Variants in DCPS observed in about 807,000 individuals in gnomAD.
DCPS encodes decapping enzyme, scavenger, also known as m7GpppX diphosphatase.
Under a neutral mutation model 34.7 loss-of-function variants are expected in DCPS, and 27 were observed. That is an observed-to-expected ratio of 0.78 (90% CI 0.57 to 1.07). The LOEUF is 1.07. DCPS is among the 50% of genes least tolerant of loss of function. The pLI, the probability that DCPS is intolerant of heterozygous loss-of-function variation, is 0.00. For synonymous variants in DCPS, 185 were observed against 185.7 expected (o/e 1.00, Z 0.03); for missense variants, 464 against 436.9 (o/e 1.06, Z -0.55).
rs1951955862 is a variant in DCPS, at chr11:126,348,287, A to G, written c.*2674A>G. Among the ~76,000 whole-genome samples, 1 of 151,924 alleles carries G rather than the reference A, an allele frequency of 6.6e-6. No individual in the cohort carries two copies. Among genetic ancestry groups the G allele is most frequent in the East Asian group, 1.9e-4 (1 of 5,178 alleles). On this transcript the variant is annotated 3_prime_UTR_variant, in exon 6 of 6. Transcript: ENST00000263579. This position sits in a 1 kb window ranked among gnomAD's most constrained non-coding sequence, Gnocchi z 5.3. Reference sequence around the variant, plus strand: ...TCCTTCTGCCCACTCTGTGGGGAGGAGCCTCTCTGGGATAGCGTCCCCTCA... The same window carrying G: ...TCCTTCTGCCCACTCTGTGGGGAGGGGCCTCTCTGGGATAGCGTCCCCTCA...
In DCPS at chr11:126,331,382, C is replaced by A. The variant is rs181281037; in HGVS notation, c.377-23C>A. The A allele has an allele frequency of 6.2e-7, 1 of 1,612,624 alleles. No individual in the cohort carries two copies. Among genetic ancestry groups the A allele is most frequent in the Non-Finnish European group, 8.5e-7 (1 of 1,179,204 alleles). On this transcript the variant is annotated intron_variant, in intron 2 of 5. Coordinates refer to ENST00000263579, the MANE Select transcript of DCPS (RefSeq NM_014026.6). This position sits in a 1 kb window ranked among gnomAD's most constrained non-coding sequence, Gnocchi z 7.2. ...GAGAGTGGGCATTGCTTCCCTGTCA[C>A]GGGCTGTGCTGTATCATTGCAGATG...
In DCPS at chr11:126,343,354, A is replaced by T. The variant is rs1247282822; in HGVS notation, c.684A>T (p.Arg228Ser). ...CCATCTGCCATCGCCGGGGCATCAG[A>T]TCCCTACGCGACCTTACTCCGGAGC... is the stretch of plus-strand genomic sequence containing the variant. ...LIAICHRRGIRSLRDLTPEHL... is the reference protein window; with the variant it reads ...LIAICHRRGISSLRDLTPEHL... The change falls in exon 5 of 6, where the codon AGA becomes AGT. Residue 228 changes from arginine to serine, a missense_variant. Physicochemically the swap from Arg to Ser is moderately radical, Grantham distance 110. Transcript: ENST00000263579. 6 of 1,613,746 alleles carry T rather than the reference A, an allele frequency of 3.7e-6. No individual in the cohort carries two copies. Among genetic ancestry groups the T allele is most frequent in the Non-Finnish European group, 5.1e-6 (6 of 1,179,962 alleles).
At position 126,346,366 on chromosome 11, in the gene DCPS, G is replaced by A. The variant is rs928150266; in HGVS notation, c.*753G>A. 6.6e-6 allele frequency among the ~76,000 whole-genome samples: 1 copy of A among 152,204 alleles called. No homozygotes were observed. Among genetic ancestry groups the A allele is most frequent in the Non-Finnish European group, 1.5e-5 (1 of 68,038 alleles). On this transcript the variant is annotated 3_prime_UTR_variant, in exon 6 of 6. Coordinates refer to ENST00000263579, the MANE Select transcript of DCPS (RefSeq NM_014026.6). The surrounding 1 kb of genome is among the most constrained non-coding windows in gnomAD (Gnocchi z 4.1). Reference sequence around the variant, plus strand: ...AGTGCAAAACAGTGAATCAGCAAGGGCAAATGATATGGTTGCAGTTGAATA... The same window carrying A: ...AGTGCAAAACAGTGAATCAGCAAGGACAAATGATATGGTTGCAGTTGAATA...
chr11:126,307,902 G>A (rs993110009), intron 2 of DCPS, among the ~76,000 whole-genome samples: 1 of 152,152 alleles, frequency 6.6e-6, no homozygotes, highest in African/African-American at 2.4e-5. Flanking sequence ...AGTAGGTGGC[G>A]GGAAAGCTAA....
Position 126,304,261 on chromosome 11 carries a change from A to G in DCPS, c.181A>G (p.Ile61Val). Residue 61 changes from isoleucine to valine, a missense_variant, in exon 1 of 6, where the codon ATC becomes GTC. Coordinates refer to ENST00000263579, the MANE Select transcript of DCPS (RefSeq NM_014026.6). Reference protein sequence around the residue: ...KVLRESARDKIIFLHGKVNEA... With the variant: ...KVLRESARDKVIFLHGKVNEA... ...GCTGAGGGAGTCTGCGCGGGACAAA[A>G]TCATTTTCCTACACGGGAAGGTACC... The G allele has an allele frequency of 6.2e-7, 1 of 1,614,148 alleles. No homozygotes were observed. Among genetic ancestry groups the G allele is most frequent in the South Asian group, 1.1e-5 (1 of 91,076 alleles).
rs1951751776 is a variant in DCPS at position 126,327,785 on chromosome 11, A to G, written c.377-3620A>G. Among the ~76,000 whole-genome samples the G allele has an allele frequency of 1.3e-5, 2 of 152,238 alleles. No homozygotes were observed. Among genetic ancestry groups the G allele is most frequent in the African/African-American group, 4.8e-5 (2 of 41,460 alleles). On this transcript the variant is annotated intron_variant, in intron 2 of 5. Coordinates refer to ENST00000263579, the MANE Select transcript of DCPS (RefSeq NM_014026.6). The surrounding 1 kb of genome is among the most constrained non-coding windows in gnomAD (Gnocchi z 4.1). ...GCCAGATTCATTGATTCATTTGTTC[A>G]CTAAGTATTTACTGAGTGCTTACTG...
At chr11:126,316,927 A>C (rs1951664010) in intron 2 of DCPS, among the ~76,000 whole-genome samples, 1 of 137,300 alleles carries the variant, frequency 7.3e-6, no homozygotes, top group Non-Finnish European at 1.5e-5. Flanking sequence ...AAGTGCTGGG[A>C]TTACAGGTGT....
At position 126,338,462 on chromosome 11, in the gene DCPS, T is replaced by C; in HGVS notation, c.636+63T>C. 1.4e-6 allele frequency: 2 copies of C among 1,450,942 alleles called. No homozygotes were observed. Among genetic ancestry groups the C allele is most frequent in the Non-Finnish European group, 1.9e-6 (2 of 1,032,184 alleles). 89.9% of individuals were successfully genotyped at this position (1,450,942 alleles called of 1,614,324 possible). On this transcript the variant is annotated intron_variant, in intron 4 of 5. Coordinates refer to ENST00000263579, the MANE Select transcript of DCPS (RefSeq NM_014026.6). This position sits in a 1 kb window ranked among gnomAD's most constrained non-coding sequence, Gnocchi z 5.4. The stretch of plus-strand genomic sequence containing the variant: ...ACCCTGCTGTAAGTGCTGGTCCTTC[T>C]GACTGCCCTCTTTCTCACGCTGGCC...
At position 126,338,764 on chromosome 11, in the gene DCPS, G is replaced by A. The variant is rs1951854818; in HGVS notation, c.636+365G>A. Among the ~76,000 whole-genome samples, 1 of 152,136 alleles carries A rather than the reference G, an allele frequency of 6.6e-6. No individual in the cohort carries two copies. Among genetic ancestry groups the A allele is most frequent in the African/African-American group, 2.4e-5 (1 of 41,416 alleles). On this transcript the variant is annotated intron_variant, in intron 4 of 5. Transcript: ENST00000263579. This position sits in a 1 kb window ranked among gnomAD's most constrained non-coding sequence, Gnocchi z 5.4. Reference sequence around the variant, plus strand: ...TGTTTCCATTTTCTCCATTCCCCTTGACACCAGCAGATCCAGGCAGGCCCG... The same window carrying A: ...TGTTTCCATTTTCTCCATTCCCCTTAACACCAGCAGATCCAGGCAGGCCCG...
rs1951831898 is a variant in DCPS at position 126,336,303 on chromosome 11, C to T, written c.523-1983C>T. 1 of 152,678 alleles carries T rather than the reference C, an allele frequency of 6.5e-6. No homozygotes were observed. Among genetic ancestry groups the T allele is most frequent in the East Asian group, 1.9e-4 (1 of 5,180 alleles). The allele number at this position is 152,678 out of a possible 1,614,324, so 9.5% of individuals were successfully genotyped here. Reference sequence around the variant, plus strand: ...TCCTTTGCTCTCACCGCCTTTCCCTCTTTTCCTGTCCCCAGTCAGTTTTGT... The same window carrying T: ...TCCTTTGCTCTCACCGCCTTTCCCTTTTTTCCTGTCCCCAGTCAGTTTTGT... On this transcript the variant is annotated intron_variant, in intron 3 of 5. Transcript: ENST00000263579. The surrounding 1 kb of genome is among the most constrained non-coding windows in gnomAD (Gnocchi z 6.3).
At position 126,345,437 on chromosome 11, in the gene DCPS, T is replaced by C; in HGVS notation, c.838T>C (p.Phe280Leu). 3 of 1,614,186 alleles carry C rather than the reference T, an allele frequency of 1.9e-6. No individual in the cohort carries two copies. The highest frequency in any genetic ancestry group is 2.5e-6 in the Non-Finnish European group (3 of 1,180,008). ...LPSYYHLHVH[F>L]TALGFEAPGS... ...CTCCTACTACCACCTGCATGTGCACTTCACCGCCCTGGGCTTCGAGGCCCC... is the reference window on the plus strand; with the variant it reads ...CTCCTACTACCACCTGCATGTGCACCTCACCGCCCTGGGCTTCGAGGCCCC... The change falls in exon 6 of 6, where the codon TTC (phenylalanine) becomes CTC (leucine). Residue 280 changes from phenylalanine (F) to leucine (L), a missense_variant. Transcript: ENST00000263579. The surrounding 1 kb of genome is among the most constrained non-coding windows in gnomAD (Gnocchi z 7.4).
Position 126,335,746 on chromosome 11 carries a change from C to T in DCPS, c.523-2540C>T, listed in dbSNP as rs997689146. On this transcript the variant is annotated intron_variant, in intron 3 of 5. Transcript: ENST00000263579. This position sits in a 1 kb window ranked among gnomAD's most constrained non-coding sequence, Gnocchi z 4.8. ...TTTGAGACCAGCCTGGCCAACATGA[C>T]GCAACCCATCTCTACTAAAAATACA... Among the ~76,000 whole-genome samples, 2 of 152,130 alleles carry T rather than the reference C, an allele frequency of 1.3e-5. No individual in the cohort carries two copies. Among genetic ancestry groups the T allele is most frequent in the African/African-American group, 2.4e-5 (1 of 41,426 alleles).
In DCPS at chr11:126,325,049, G is replaced by C. The variant is rs540547151; in HGVS notation, c.377-6356G>C. On this transcript the variant is annotated intron_variant, in intron 2 of 5. Coordinates refer to ENST00000263579, the MANE Select transcript of DCPS (RefSeq NM_014026.6). This position sits in a 1 kb window ranked among gnomAD's most constrained non-coding sequence, Gnocchi z 4.3. Reference sequence around the variant, plus strand: ...AATACAAAAATTAGCGGGGCATGGTGGTGGGCACCTGTAATCCCAGCTACT... The same window carrying C: ...AATACAAAAATTAGCGGGGCATGGTCGTGGGCACCTGTAATCCCAGCTACT... 6.6e-6 allele frequency among the ~76,000 whole-genome samples: 1 copy of C among 152,090 alleles called. No individual in the cohort carries two copies. The highest frequency in any genetic ancestry group is 1.5e-5 in the Non-Finnish European group (1 of 68,016).
intron 2 of DCPS, among the ~76,000 whole-genome samples, chr11:126,326,083 A>C (rs974827670): frequency 6.6e-6 from 1 of 152,202 alleles, no homozygotes; most frequent in African/African-American, 2.4e-5. Flanking sequence ...GCACCACTGC[A>C]CTCCAGCCTG....
chr11:126,325,694 A>T lies in DCPS; in HGVS notation c.377-5711A>T, dbSNP rs969061212. On this transcript the variant is annotated intron_variant, in intron 2 of 5. Coordinates refer to ENST00000263579, the MANE Select transcript of DCPS (RefSeq NM_014026.6). The surrounding 1 kb of genome is among the most constrained non-coding windows in gnomAD (Gnocchi z 4.3). ...TGCAAGTACAATTTGAATTAAAAAG[A>T]CAAACACAGTGTTAAAAAGCATGAC... is the stretch of plus-strand genomic sequence containing the variant. Among the ~76,000 whole-genome samples the T allele has an allele frequency of 2.6e-5, 4 of 152,206 alleles. No homozygotes were observed. Among genetic ancestry groups the T allele is most frequent in the African/African-American group, 4.8e-5 (2 of 41,448 alleles).
chr11:126,343,414 G>A lies in DCPS; in HGVS notation c.744G>A (p.Gly248=). The change falls in exon 5 of 6, where the codon GGG becomes GGA. Residue 248 remains glycine (G), a synonymous_variant. Coordinates refer to ENST00000263579, the MANE Select transcript of DCPS (RefSeq NM_014026.6). ...TGCTCAGGAACATCCTCCACCAGGGGCAGGTGAGTGGCTTCACCAAACCAC... is the reference window on the plus strand; with the variant it reads ...TGCTCAGGAACATCCTCCACCAGGGACAGGTGAGTGGCTTCACCAAACCAC... The part of the protein sequence containing the change: ...LPLLRNILHQ[G]QEAILQRYRM... 6.2e-7 allele frequency: 1 copy of A among 1,612,294 alleles called. No homozygotes were observed.
intron 2 of DCPS, among the ~76,000 whole-genome samples, chr11:126,316,250 C>T (rs368469583): frequency 8.5e-5 from 13 of 152,094 alleles, no homozygotes; most frequent in African/African-American, 1.9e-4. Flanking sequence ...TTGTCCAACC[C>T]GCAGCCCAGG....
rs12276740 is a variant in DCPS, at chr11:126,333,592, G to A, written c.522+2042G>A. On this transcript the variant is annotated intron_variant, in intron 3 of 5. Transcript: ENST00000263579. This position sits in a 1 kb window ranked among gnomAD's most constrained non-coding sequence, Gnocchi z 5.7. ...GGTGCACAAGGGGAGGGAGGAGCAA[G>A]TCCAGAGGCACACAGAGCTGGAATC... 0.14 allele frequency among the ~76,000 whole-genome samples: 21,466 copies of A among 152,186 alleles called. 1,768 individuals carry two copies. Among genetic ancestry groups the A allele is most frequent in the African/African-American group, 0.23 (9,352 of 41,484 alleles).
rs1325821743 is a variant in DCPS, at chr11:126,347,756, G to A, written c.*2143G>A. Among the ~76,000 whole-genome samples, 3 of 152,246 alleles carry A rather than the reference G, an allele frequency of 2.0e-5. No homozygotes were observed. Among genetic ancestry groups the A allele is most frequent in the Non-Finnish European group, 4.4e-5 (3 of 68,028 alleles). On this transcript the variant is annotated 3_prime_UTR_variant, in exon 6 of 6. Transcript: ENST00000263579. The surrounding 1 kb of genome is among the most constrained non-coding windows in gnomAD (Gnocchi z 4.2). ...TGGATGGAGGTCTTCTCCCAGAGCA[G>A]TGTCCAGCTTGCAGGAATGCTCCCT... is the stretch of plus-strand genomic sequence containing the variant.
Sources: allele counts gnomAD v4.1 joint callset (sites outside exome capture counted in the v4.1 genomes callset), GRCh38; gene constraint gnomAD v4.1.1; non-coding constraint Gnocchi (gnomAD v3.1); transcripts MANE v1.5; gene names NCBI Gene and HGNC (gene_info 2026-07-23, HGNC 2026-07-21).